MTA3: variants seen among roughly 807,000 people sequenced by gnomAD.
The protein encoded by MTA3 is metastasis-associated protein MTA3.
In MTA3, 34 loss-of-function variants were observed where a neutral mutation model predicts 83.5. That is an observed-to-expected ratio of 0.41 (90% CI 0.31 to 0.54). The LOEUF is 0.54. Among genes scored for constraint, MTA3 ranks in the 20% least tolerant of loss-of-function variants. MTA3 has a pLI of 0.33. For missense variants in MTA3, 761 were observed against 726.4 expected (o/e 1.05, Z -0.55); for synonymous variants, 303 against 252.7 (o/e 1.20, Z -1.89).
chr2:42,748,401 G>A (rs967404251), intron 16 of MTA3, among the ~76,000 whole-genome samples: 1 of 152,268 alleles, frequency 6.6e-6, no homozygotes. Flanking sequence ...GTCATACAGT[G>A]TGTACTCTAT....
At chr2:42,529,545 C>G (rs1176237545) in intron 2 of MTA3, among the ~76,000 whole-genome samples, 1 of 152,224 alleles carries the variant, frequency 6.6e-6, no homozygotes, top group African/African-American at 2.4e-5. Flanking sequence ...TAAGGACTTA[C>G]TGTTTCTTCA....
chr2:42,642,267 A>C (rs954084036), intron 5 of MTA3, among the ~76,000 whole-genome samples: 1 of 152,118 alleles, frequency 6.6e-6, no homozygotes, highest in African/African-American at 2.4e-5. Context: ...ATTTCATCTT[A>C]TTATATTGTA....
chr2:42,554,462 G>A (rs1298875975), intron 2 of MTA3, among the ~76,000 whole-genome samples: 1 of 152,120 alleles, frequency 6.6e-6, no homozygotes, highest in African/African-American at 2.4e-5. Context: ...AAGTTAATTT[G>A]GAAAATGTCA....
intron 5 of MTA3, among the ~76,000 whole-genome samples, chr2:42,642,306 A>T (rs1038046402): frequency 5.9e-5 from 9 of 152,112 alleles, no homozygotes; most frequent in South Asian, 2.1e-4. Context: ...TTTTTATTGG[A>T]GTACCATGCT....
intron 2 of MTA3, among the ~76,000 whole-genome samples, chr2:42,557,001 C>T (rs1677424194): frequency 6.6e-6 from 1 of 152,150 alleles, no homozygotes; most frequent in Admixed American, 6.6e-5. Context: ...CTCCTTCTGC[C>T]TCCAGAATTC....
At chr2:42,587,702 A>G (rs1172319032) in intron 3 of MTA3, among the ~76,000 whole-genome samples, 2 of 152,076 alleles carry the variant, frequency 1.3e-5, no homozygotes, top group African/African-American at 4.8e-5. Context: ...TAGGGATTCA[A>G]GTGATTCTCC....
intron 16 of MTA3, among the ~76,000 whole-genome samples, chr2:42,727,150 A>G (rs1667886086): frequency 6.6e-6 from 1 of 152,170 alleles, no homozygotes; most frequent in Non-Finnish European, 1.5e-5. Flanking sequence ...GTGAGCTATG[A>G]TTGTATCACT....
chr2:42,665,402 AG>A (rs1558559921), intron 8 of MTA3, among the ~76,000 whole-genome samples: 1 of 152,128 alleles, frequency 6.6e-6, no homozygotes. Context: ...AAAAAAAGAA[AG>A]AAAGAAAAAG....
intron 2 of MTA3, among the ~76,000 whole-genome samples, chr2:42,563,099 C>T (rs553175622): frequency 6.6e-6 from 1 of 152,314 alleles, no homozygotes; most frequent in South Asian, 2.1e-4. Flanking sequence ...ACCACCACCC[C>T]TTCTCACCAA....
At chr2:42,541,786 C>G (rs1269125397) in intron 2 of MTA3, among the ~76,000 whole-genome samples, 1 of 152,178 alleles carries the variant, frequency 6.6e-6, no homozygotes, top group East Asian at 1.9e-4. Context: ...TATGCTCCAG[C>G]CTCTTGCTGG....
intron 8 of MTA3, among the ~76,000 whole-genome samples, chr2:42,665,960 C>G (rs72801624): frequency 0.023 from 3,531 of 152,210 alleles, 56 homozygotes; most frequent in Non-Finnish European, 0.036. Flanking sequence ...CCTCTGATTT[C>G]TATGTTATAT....
At chr2:42,704,421 G>T in intron 12 of MTA3, 103 bp downstream of exon 12, 1 of 1,389,662 alleles carries the variant, frequency 7.2e-7, no homozygotes, top group Non-Finnish European at 9.8e-7. Context: ...CACCTTGGAA[G>T]GCACAAGCAT....
chr2:42,625,225 T>A (rs13036059), intron 4 of MTA3, among the ~76,000 whole-genome samples: 111,068 of 150,870 alleles, frequency 0.74, 41,095 homozygotes, highest in South Asian at 0.88. Flanking sequence ...AGAGATGGGG[T>A]TTCACCATGT....
chr2:42,594,728 A>ATATATATTTTTTTTTTTT lies in MTA3; in HGVS notation c.191-14729_191-14728insATATATTTTTTTTTTTTT. On this transcript the variant is annotated intron_variant, in intron 3 of 16. Coordinates refer to ENST00000405094, the MANE Select transcript of MTA3 (RefSeq NM_001330442.2). The stretch of plus-strand genomic sequence containing the variant: ...TACATATATATATATATATATATAT[A>ATATATATTTTTTTTTTTT]TTTTTTTTTTTTTTTTGAGACAGAG... 9.1e-4 allele frequency among the ~76,000 whole-genome samples: 22 copies of ATATATATTTTTTTTTTTT among 24,048 alleles called. 1 individual carries two copies. Among genetic ancestry groups the ATATATATTTTTTTTTTTT allele is most frequent in the Non-Finnish European group, 1.2e-3 (19 of 15,462 alleles). 15.8% of individuals were successfully genotyped at this position (24,048 alleles called of 152,430 possible). A position where few individuals can be genotyped will look rare whatever the true frequency, so the allele number is the denominator to read the frequency against.
chr2:42,609,399 A>G lies in MTA3; in HGVS notation c.191-59A>G. On this transcript the variant is annotated intron_variant, in intron 3 of 16. Coordinates refer to ENST00000405094, the MANE Select transcript of MTA3 (RefSeq NM_001330442.2). Reference sequence around the variant, plus strand: ...ATAAAATGTTGATTTGATCTGTTTCAATATCCAAACAGATAATGTGCTTTG... The same window carrying G: ...ATAAAATGTTGATTTGATCTGTTTCGATATCCAAACAGATAATGTGCTTTG... 4 of 1,502,500 alleles carry G rather than the reference A, an allele frequency of 2.7e-6. No homozygotes were observed. In the South Asian group the frequency reaches 4.7e-5, roughly 18 times the overall value. 93.1% of individuals were successfully genotyped at this position (1,502,500 alleles called of 1,614,324 possible).
At chr2:42,585,915 G>C (rs1044943066) in intron 3 of MTA3, among the ~76,000 whole-genome samples, 1 of 152,212 alleles carries the variant, frequency 6.6e-6, no homozygotes, top group Non-Finnish European at 1.5e-5. Flanking sequence ...TCCAGCCTGG[G>C]CAATAGAGTG....
Position 42,755,938 on chromosome 2 carries a change from T to G in MTA3, c.*2539T>G. On this transcript the variant is annotated 3_prime_UTR_variant, in exon 17 of 17. Coordinates refer to ENST00000405094, the MANE Select transcript of MTA3 (RefSeq NM_001330442.2). ...AGGTGCGCAAGAGAGGAGGGCCGACTGGAGGGTGTCGCCGGAAGGTTTCAG... is the reference window on the plus strand; with the variant it reads ...AGGTGCGCAAGAGAGGAGGGCCGACGGGAGGGTGTCGCCGGAAGGTTTCAG... 1.0e-6 allele frequency: 1 copy of G among 985,554 alleles called. No homozygotes were observed. The highest frequency in any genetic ancestry group is 4.7e-5 in the South Asian group (1 of 21,292). The allele number at this position is 985,554 out of a possible 1,614,324, so 61.1% of individuals were successfully genotyped here. A position where few individuals can be genotyped will look rare whatever the true frequency, so the allele number is the denominator to read the frequency against.
intron 8 of MTA3, among the ~76,000 whole-genome samples, chr2:42,661,491 A>G (rs376170201): frequency 7.4e-5 from 10 of 135,586 alleles, no homozygotes; most frequent in Admixed American, 4.0e-4. Flanking sequence ...TGGGTAACAG[A>G]GTGAGACCCT....
intron 4 of MTA3, among the ~76,000 whole-genome samples, chr2:42,632,881 T>C (rs1229384939): frequency 2.6e-5 from 4 of 152,134 alleles, no homozygotes; most frequent in African/African-American, 9.6e-5. Flanking sequence ...AAAGCAGTAT[T>C]AGTAACAGAT....
Sources: gnomAD v4.1 joint callset for allele counts (sites outside exome capture counted in the v4.1 genomes callset) on GRCh38, gnomAD v4.1.1 for gene constraint, MANE v1.5 for transcripts, NCBI Gene and HGNC (gene_info 2026-07-23, HGNC 2026-07-21) for gene names.